The following CBARP variants were observed in gnomAD, a reference collection of about 807,000 sequenced individuals.
CBARP encodes voltage-dependent calcium channel beta subunit-associated regulatory protein.
Under a neutral mutation model 36.3 loss-of-function variants are expected in CBARP, and 24 were observed. That is an observed-to-expected ratio of 0.66 (90% CI 0.48 to 0.93). CBARP has a LOEUF of 0.93. CBARP is among the 40% of genes least tolerant of loss of function. CBARP has a pLI of 0.00. For missense variants in CBARP, 1,146 were observed against 980.4 expected (o/e 1.17, Z -2.26); for synonymous variants, 586 against 453.2 (o/e 1.29, Z -3.72).
At chr19:1,234,763 C>T (rs755604759) in intron 5 of CBARP, 21 bp from the exon 6 acceptor site, 4 of 1,606,418 alleles carry the variant, frequency 2.5e-6, no homozygotes, top group Non-Finnish European at 3.4e-6. Context: ...ATCTGGCCAT[C>T]AGAGCCCGCC....
intron 9 of CBARP, 132 bp from the exon 10 acceptor site, chr19:1,230,274 A>G: frequency 2.0e-6 from 2 of 991,558 alleles, no homozygotes; most frequent in Non-Finnish European, 2.4e-6. Context: ...GGAAGGTGAG[A>G]GCTTTAAAAT....
Position 1,235,711 on chromosome 19 carries a change from G to A in CBARP, c.245+68C>T. 3.7e-6 allele frequency: 6 copies of A among 1,603,468 alleles called. No homozygotes were observed. The South Asian group carries it at 6.6e-5, about 18-fold the overall frequency. On this transcript the variant is annotated intron_variant, in intron 3 of 9. Transcript: ENST00000650044. ...CTGTGACTCAGAAGCCAGTGAGGTA[G>A]ACCCCCCACCACCCGATGGCACCCA...
At position 1,231,114 on chromosome 19, in the gene CBARP, G is replaced by C; in HGVS notation, c.1141C>G (p.Pro381Ala). The C allele has an allele frequency of 6.3e-7, 1 of 1,598,062 alleles. No homozygotes were observed. Among genetic ancestry groups the C allele is most frequent in the Non-Finnish European group, 8.5e-7 (1 of 1,171,426 alleles). The change falls in exon 9 of 10, where the codon CCT becomes GCT. Residue 381 changes from proline to alanine, a missense_variant. By Grantham distance (27) the Pro-to-Ala change is conservative. Transcript: ENST00000650044. The stretch of plus-strand genomic sequence containing the variant: ...ACTGAAAAATACCTGCCGAGAGCAG[G>C]GGGCGGGCTGGCCAGAAAGGGGCGG... ...HPRPFLASPP[P>A]ALGRLEAAEA... is the part of the protein sequence containing the mutation.
At position 1,228,730 on chromosome 19, in the gene CBARP, C is replaced by T. The variant is rs1405099785; in HGVS notation, c.*449G>A. The T allele has an allele frequency of 2.0e-5, 3 of 147,652 alleles. No homozygotes were observed. Among genetic ancestry groups the T allele is most frequent in the Non-Finnish European group, 3.0e-5 (2 of 66,306 alleles). The allele number at this position is 147,652 out of a possible 1,614,324, so 9.1% of individuals were successfully genotyped here. A position where few individuals can be genotyped will look rare whatever the true frequency, so the allele number is the denominator to read the frequency against. The stretch of plus-strand genomic sequence containing the variant: ...CCGTTAGCGCCCCGCGGCCCCCGCC[C>T]GGGCGAGCTCGCGCACGCGCCCGGC... On this transcript the variant is annotated 3_prime_UTR_variant, in exon 10 of 10. Transcript: ENST00000650044.
chr19:1,234,470 G>A (rs529829090), intron 6 of CBARP, 101 bp downstream of exon 6: 3 of 1,438,262 alleles, frequency 2.1e-6, no homozygotes, highest in South Asian at 1.4e-5. Flanking sequence ...CCCGAGATGA[G>A]GGCCACCCAG....
rs1169071974 is a variant in CBARP at position 1,229,407 on chromosome 19, G to C, written c.1890C>G (p.Thr630=). Residue 630 remains threonine (T), a synonymous_variant, in exon 10 of 10, where the codon ACC becomes ACG. Transcript: ENST00000650044. The surrounding 1 kb of genome is among the most constrained non-coding windows in gnomAD (Gnocchi z 5.1). ...DSVDGPPDGR[T]LGGAGDDPAI... ...CGGGGTCGTCGCCGGCGCCGCCCAG[G>C]GTGCGACCGTCGGGCGGGCCGTCCA... The C allele has an allele frequency of 1.9e-6, 2 of 1,042,968 alleles. No individual in the cohort carries two copies. Among genetic ancestry groups the C allele is most frequent in the Non-Finnish European group, 2.3e-6 (2 of 860,496 alleles). The allele number at this position is 1,042,968 out of a possible 1,614,324, so 64.6% of individuals were successfully genotyped here.
rs936546926 is a variant in CBARP at position 1,234,916 on chromosome 19, A to G, written c.455+85T>C. 4 of 1,523,904 alleles carry G rather than the reference A, an allele frequency of 2.6e-6. No individual in the cohort carries two copies. In the Admixed American group the frequency reaches 5.7e-5, roughly 22 times the overall value. The allele number at this position is 1,523,904 out of a possible 1,614,324, so 94.4% of individuals were successfully genotyped here. ...CAGGAGCCTCTGCCTTGGTCCCTGC[A>G]GCCTCCGCACCCAGCTCCTCCCCCG... On this transcript the variant is annotated intron_variant, in intron 5 of 9. Coordinates refer to ENST00000650044, the MANE Select transcript of CBARP (RefSeq NM_001393918.1).
intron 9 of CBARP, chr19:1,230,424 T>A: frequency 1.0e-6 from 1 of 989,480 alleles, no homozygotes; most frequent in Non-Finnish European, 1.2e-6. Flanking sequence ...GTCAACATGC[T>A]TCTCTCCGGG....
intron 9 of CBARP, 62 bp downstream of exon 9, chr19:1,231,039 G>C: frequency 6.4e-7 from 1 of 1,555,818 alleles, no homozygotes; most frequent in Non-Finnish European, 8.7e-7. Context: ...CGCCTAGGGG[G>C]GGGCGAAGGG....
intron 1 of CBARP, among the ~76,000 whole-genome samples, 165 bp from the exon 2 acceptor site, chr19:1,236,286 C>G (rs1023058740): frequency 5.3e-5 from 8 of 152,212 alleles, no homozygotes; most frequent in Admixed American, 4.6e-4. Flanking sequence ...TTGGCTCTGC[C>G]CAGCGGGCCC....
chr19:1,236,120 C>G lies in CBARP; in HGVS notation c.-20G>C. 1 of 1,423,770 alleles carries G rather than the reference C, an allele frequency of 7.0e-7. No homozygotes were observed. Among genetic ancestry groups the G allele is most frequent in the Non-Finnish European group, 9.2e-7 (1 of 1,092,542 alleles). 88.2% of individuals were successfully genotyped at this position (1,423,770 alleles called of 1,614,324 possible). A position where few individuals can be genotyped will look rare whatever the true frequency, so the allele number is the denominator to read the frequency against. On this transcript the variant is annotated splice_region_variant and 5_prime_UTR_variant, in exon 2 of 10. Coordinates refer to ENST00000650044, the MANE Select transcript of CBARP (RefSeq NM_001393918.1). ...CTGCATTCTGAACTGGGGAGGAGGG[C>G]CCTGTGGGGAGGAAGCCTGGTCAGC...
Position 1,229,516 on chromosome 19 carries a change from G to A in CBARP, c.1781C>T (p.Ala594Val), listed in dbSNP as rs1412114877. The part of the protein sequence containing the change: ...GRQHSDPGAR[A>V]APALAGTPAP... The stretch of plus-strand genomic sequence containing the variant: ...CGGGGTTCCGGCCAGGGCCGGGGCC[G>A]CGCGGGCGCCGGGGTCGCTGTGCTG... Residue 594 changes from alanine to valine, a missense_variant, in exon 10 of 10, where the codon GCG becomes GTG. By Grantham distance (64) the Ala-to-Val change is moderately conservative (BLOSUM62 0). Transcript: ENST00000650044. The surrounding 1 kb of genome is among the most constrained non-coding windows in gnomAD (Gnocchi z 5.1). 5 of 979,360 alleles carry A rather than the reference G, an allele frequency of 5.1e-6. No individual in the cohort carries two copies. Among genetic ancestry groups the A allele is most frequent in the Non-Finnish European group, 4.8e-6 (4 of 827,872 alleles). 60.7% of individuals were successfully genotyped at this position (979,360 alleles called of 1,614,324 possible). A position where few individuals can be genotyped will look rare whatever the true frequency, so the allele number is the denominator to read the frequency against.
intron 4 of CBARP, 147 bp from the exon 5 acceptor site, chr19:1,235,292 C>T (rs1599950077): frequency 9.2e-7 from 1 of 1,084,916 alleles, no homozygotes; most frequent in Non-Finnish European, 1.2e-6. Flanking sequence ...GGACACTCGT[C>T]CATCCGCTCA....
intron 4 of CBARP, 52 bp from the exon 5 acceptor site, chr19:1,235,197 C>T: frequency 3.4e-6 from 5 of 1,453,904 alleles, no homozygotes; most frequent in East Asian, 2.7e-5. Context: ...CGCCAGGCGC[C>T]TGGTCCCGGG....
At chr19:1,235,971 C>A in intron 2 of CBARP, 25 bp downstream of exon 2, 1 of 1,583,432 alleles carries the variant, frequency 6.3e-7, no homozygotes, top group Non-Finnish European at 8.6e-7. Context: ...ACCTCCTGCC[C>A]CTCCCACCTG....
Position 1,229,748 on chromosome 19 carries a change from T to A in CBARP, c.1549A>T (p.Thr517Ser). Residue 517 changes from threonine to serine, a missense_variant, in exon 10 of 10, where the codon ACC becomes TCC. Thr to Ser is a moderately conservative substitution (Grantham distance 58). Coordinates refer to ENST00000650044, the MANE Select transcript of CBARP (RefSeq NM_001393918.1). The surrounding 1 kb of genome is among the most constrained non-coding windows in gnomAD (Gnocchi z 5.1). ...CGGGCGGGCGCGGCAGGTGGCTCGG[T>A]GTCGTCGCCTGCGCCGCGGCCCTCG... is the stretch of plus-strand genomic sequence containing the variant. ...SIEGRGAGDD[T>S]EPPAAPARPR... 1.0e-6 allele frequency: 1 copy of A among 993,060 alleles called. No homozygotes were observed. The highest frequency in any genetic ancestry group is 1.2e-6 in the Non-Finnish European group (1 of 834,078). 61.5% of individuals were successfully genotyped at this position (993,060 alleles called of 1,614,324 possible). A position where few individuals can be genotyped will look rare whatever the true frequency, so the allele number is the denominator to read the frequency against.
rs1486793833 is a variant in CBARP at position 1,233,488 on chromosome 19, T to C, written c.917A>G (p.Tyr306Cys). The C allele has an allele frequency of 1.2e-6, 2 of 1,605,936 alleles. No individual in the cohort carries two copies. The highest frequency in any genetic ancestry group is 2.2e-5 in the East Asian group (1 of 44,662). Residue 306 changes from tyrosine to cysteine, a missense_variant, in exon 8 of 10, where the codon TAT (tyrosine) becomes TGT (cysteine). Physicochemically the swap from Tyr to Cys is radical, Grantham distance 194. Transcript: ENST00000650044. Reference protein sequence around the residue: ...RHASLDGASPYFKVKKWKLEP... With the variant: ...RHASLDGASPCFKVKKWKLEP... Reference sequence around the variant, plus strand: ...CAGCTTCCACTTCTTGACCTTGAAATAGGGGCTGGCCCCATCCAGGCTGGC... The same window carrying C: ...CAGCTTCCACTTCTTGACCTTGAAACAGGGGCTGGCCCCATCCAGGCTGGC...
intron 9 of CBARP, chr19:1,230,695 G>A: frequency 7.8e-7 from 1 of 1,279,516 alleles, no homozygotes; most frequent in Non-Finnish European, 9.9e-7. Context: ...CCCTTGGGTT[G>A]GGGGAGGGGT....
rs1037879971 is a variant in CBARP at position 1,237,782 on chromosome 19, G to C, written c.-48C>G. The C allele has an allele frequency of 6.7e-6, 1 of 149,460 alleles. No homozygotes were observed. The highest frequency in any genetic ancestry group is 2.4e-5 in the African/African-American group (1 of 41,070). 9.3% of individuals were successfully genotyped at this position (149,460 alleles called of 1,614,324 possible). On this transcript the variant is annotated 5_prime_UTR_variant, in exon 1 of 10. Transcript: ENST00000650044. ...TCAGCGCCGGGACGAGCGGCCCATG[G>C]GCGGCGGGCTGGCGGCGGGCGGCTG...
Sources: allele counts gnomAD v4.1 joint callset (sites outside exome capture counted in the v4.1 genomes callset), GRCh38; gene constraint gnomAD v4.1.1; non-coding constraint Gnocchi (gnomAD v3.1); transcripts MANE v1.5; gene names NCBI Gene and HGNC (gene_info 2026-07-23, HGNC 2026-07-21).